Variants in C7 observed in about 807,000 individuals in gnomAD.
C7 encodes the protein complement C7, also known as complement component C7.
C7 carries 83 observed loss-of-function variants against 104.8 expected under a neutral mutation model. The ratio of observed to expected loss-of-function variants is 0.79; its 90% confidence interval spans 0.66 to 0.95. The LOEUF (loss-of-function observed/expected upper bound fraction) is 0.95, where lower values mean the gene tolerates loss of function less well. Ranked by LOEUF, C7 falls within the 40% of genes least tolerant of loss-of-function variation. The pLI is 0.00. For synonymous variants in C7, 415 were observed against 360.6 expected (o/e 1.15, Z -1.71); for missense variants, 1,070 against 1,011.2 (o/e 1.06, Z -0.79).
chr5:40,936,141 A>G (rs1264631232), intron 4 of C7, among the ~76,000 whole-genome samples, 197 bp from the exon 5 acceptor site: 1 of 152,188 alleles, frequency 6.6e-6, no homozygotes, highest in African/African-American at 2.4e-5. Context: ...TGATTGAGTT[A>G]AGAACCATTT....
chr5:40,965,444 T>C (rs1277225048), intron 14 of C7, among the ~76,000 whole-genome samples: 3 of 152,066 alleles, frequency 2.0e-5, no homozygotes, highest in Non-Finnish European at 4.4e-5. Context: ...AATATACCTA[T>C]TGTGAAATTT....
intron 6 of C7, among the ~76,000 whole-genome samples, chr5:40,941,294 C>A (rs915425331): frequency 2.0e-5 from 3 of 151,846 alleles, no homozygotes; most frequent in Non-Finnish European, 4.4e-5. Context: ...GAACTCCTGT[C>A]CTCAAGTGAT....
At chr5:40,966,703 T>G (rs533512064) in intron 14 of C7, among the ~76,000 whole-genome samples, 23 of 152,234 alleles carry the variant, frequency 1.5e-4, no homozygotes, top group Non-Finnish European at 2.8e-4. Context: ...ATTCCTGAGT[T>G]ACTTCACTTA....
At chr5:40,931,948 T>C in intron 3 of C7, among the ~76,000 whole-genome samples, 1 of 152,116 alleles carries the variant, frequency 6.6e-6, no homozygotes, top group East Asian at 1.9e-4. Context: ...TTAGTAGAGA[T>C]GAGGTTTAAC....
intron 15 of C7, among the ~76,000 whole-genome samples, chr5:40,975,532 T>A (rs936050615): frequency 3.3e-5 from 5 of 151,934 alleles, no homozygotes; most frequent in African/African-American, 9.7e-5. Context: ...CCCGGCTAAT[T>A]TTTGTATTTT....
intron 7 of C7, among the ~76,000 whole-genome samples, chr5:40,945,901 T>C (rs2111625319): frequency 7.2e-6 from 1 of 139,758 alleles, no homozygotes; most frequent in South Asian, 2.2e-4. Context: ...TATATATATA[T>C]ATATATATGT....
intron 13 of C7, among the ~76,000 whole-genome samples, chr5:40,963,560 G>A (rs1003153774): frequency 5.3e-5 from 8 of 152,136 alleles, no homozygotes; most frequent in African/African-American, 1.9e-4. Context: ...ACTGACAATG[G>A]GAAGGAGATA....
In C7 at chr5:40,964,886, A is replaced by G. The variant is rs748711333; in HGVS notation, c.1882+13A>G. On this transcript the variant is annotated intron_variant, in intron 14 of 17. Transcript: ENST00000313164. The stretch of plus-strand genomic sequence containing the variant: ...ATGCATTGTCAGAGTGAGTGGCGTC[A>G]GTTGTATATAATTTAAGATGAGAAA... 1.9e-6 allele frequency: 3 copies of G among 1,612,946 alleles called. No individual in the cohort carries two copies. Among genetic ancestry groups the G allele is most frequent in the Non-Finnish European group, 1.7e-6 (2 of 1,179,500 alleles).
chr5:40,948,460 T>C (rs560115697), intron 8 of C7, among the ~76,000 whole-genome samples: 44 of 152,244 alleles, frequency 2.9e-4, no homozygotes, highest in African/African-American at 9.9e-4. Flanking sequence ...TCCAAGGTCA[T>C]GAAGATTGCA....
At chr5:40,926,395 T>C (rs1479065397) in intron 1 of C7, among the ~76,000 whole-genome samples, 1 of 151,936 alleles carries the variant, frequency 6.6e-6, no homozygotes, top group African/African-American at 2.4e-5. Context: ...TTATTCAACA[T>C]AGTATTGGAA....
intron 13 of C7, among the ~76,000 whole-genome samples, chr5:40,963,667 G>C (rs1327480323): frequency 6.6e-6 from 1 of 152,118 alleles, no homozygotes; most frequent in Non-Finnish European, 1.5e-5. Flanking sequence ...CCCTTGGGTG[G>C]AAGACAATGA....
Position 40,936,433 on chromosome 5 carries a change from C to A in C7, c.376C>A (p.Pro126Thr), listed in dbSNP as rs368083143. ...EDRCEDSERR[P>T]SCDIDKPPPN... ...CAGATGTGAGGACTCAGAAAGGAGA[C>A]CTTCCTGTGATATCGATAAACCTCC... Residue 126 changes from proline to threonine, a missense_variant, in exon 5 of 18, where the codon CCT (proline) becomes ACT (threonine). Transcript: ENST00000313164. 1.6e-5 allele frequency: 26 copies of A among 1,613,054 alleles called. No individual in the cohort carries two copies. Among genetic ancestry groups the A allele is most frequent in the East Asian group, 2.2e-5 (1 of 44,878 alleles).
chr5:40,936,584 A>G, intron 5 of C7, 99 bp downstream of exon 5: 1 of 1,110,430 alleles, frequency 9.0e-7, no homozygotes, highest in South Asian at 1.5e-5. Context: ...GTCTTCTAAT[A>G]GGCAAGATTA....
At chr5:40,953,568 G>A (rs1343556534) in intron 9 of C7, among the ~76,000 whole-genome samples, 5 of 148,674 alleles carry the variant, frequency 3.4e-5, no homozygotes, top group African/African-American at 1.2e-4. Flanking sequence ...TTGAACCTGA[G>A]AGGCAGAGGT....
chr5:40,920,551 A>T (rs1739417319), intron 1 of C7, among the ~76,000 whole-genome samples: 1 of 151,628 alleles, frequency 6.6e-6, no homozygotes, highest in Non-Finnish European at 1.5e-5. Context: ...AAAAAAAAAA[A>T]AAAGCAGAGG....
chr5:40,951,009 T>A (rs7716062), intron 9 of C7, among the ~76,000 whole-genome samples: 123,740 of 152,110 alleles, frequency 0.81, 50,404 homozygotes, highest in Middle Eastern at 0.87. Context: ...GAAATAAAAG[T>A]TTACCTAAGT....
At chr5:40,948,010 T>C (rs920433349) in intron 8 of C7, among the ~76,000 whole-genome samples, 165 bp downstream of exon 8, 1 of 152,190 alleles carries the variant, frequency 6.6e-6, no homozygotes, top group African/African-American at 2.4e-5. Context: ...CTTAAAATCT[T>C]ATATGGTTTA....
At chr5:40,920,664 A>T (rs1739419910) in intron 1 of C7, among the ~76,000 whole-genome samples, 1 of 152,110 alleles carries the variant, frequency 6.6e-6, no homozygotes, top group African/African-American at 2.4e-5. Flanking sequence ...TAACGATAGC[A>T]ATTAGGCAAG....
chr5:40,968,178 T>G (rs1740599907), intron 14 of C7, among the ~76,000 whole-genome samples: 1 of 152,046 alleles, frequency 6.6e-6, no homozygotes, highest in Non-Finnish European at 1.5e-5. Flanking sequence ...CAGGCTGGAG[T>G]GCAGTGGTGC....
Sources: gnomAD v4.1 joint callset for allele counts (sites outside exome capture counted in the v4.1 genomes callset) on GRCh38, gnomAD v4.1.1 for gene constraint, MANE v1.5 for transcripts, NCBI Gene and HGNC (gene_info 2026-07-23, HGNC 2026-07-21) for gene names.